The following HBD variants were observed in gnomAD, a reference collection of about 807,000 sequenced individuals.
HBD encodes delta globin.
HBD carries 11 observed loss-of-function variants against 9.2 expected under a neutral mutation model. The ratio of observed to expected loss-of-function variants is 1.20; its 90% confidence interval spans 0.76 to 1.99. HBD has a LOEUF of 1.99. HBD is among the 30% of genes most tolerant of loss of function. The pLI is 0.00. For missense variants in HBD, 189 were observed against 174.3 expected (o/e 1.08, Z -0.47); for synonymous variants, 83 against 69.4 (o/e 1.20, Z -0.98).
At chr11:5,233,900 C>G (rs953316255) in intron 2 of HBD, 91 bp downstream of exon 2, 1 of 1,076,034 alleles carries the variant, frequency 9.3e-7, no homozygotes, top group African/African-American at 1.6e-5. Flanking sequence ...AGTAAAATGA[C>G]AAAAATGTGG....
At position 5,234,036 on chromosome 11, in the gene HBD, A is replaced by G. The variant is rs1847704504; in HGVS notation, c.270T>C (p.Ser90=). Residue 90 remains serine (S), a synonymous_variant, in exon 2 of 3, where the codon AGT becomes AGC. Transcript: ENST00000650601. ...DNLKGTFSQL[S]ELHCDKLHVD... The stretch of plus-strand genomic sequence containing the variant: ...CGTGCAGCTTGTCACAGTGCAGCTC[A>G]CTCAGCTGAGAAAAAGTGCCCTTGA... 8.7e-6 allele frequency: 14 copies of G among 1,614,002 alleles called. No individual in the cohort carries two copies. Among genetic ancestry groups the G allele is most frequent in the African/African-American group, 1.3e-5 (1 of 74,984 alleles).
chr11:5,234,441 G>T lies in HBD; in HGVS notation c.-8C>A. 1 of 1,601,452 alleles carries T rather than the reference G, an allele frequency of 6.2e-7. No homozygotes were observed. The highest frequency in any genetic ancestry group is 8.6e-7 in the Non-Finnish European group (1 of 1,168,416). On this transcript the variant is annotated 5_prime_UTR_variant, in exon 1 of 3. Transcript: ENST00000650601. ...AGGAGTCAGATGCACCATGGTGTCT[G>T]TTTGAGGTTGCTAGTGAACACTGTT... is the stretch of plus-strand genomic sequence containing the variant.
At chr11:5,233,350 C>T (rs1469323259) in intron 2 of HBD, among the ~76,000 whole-genome samples, 1 of 152,056 alleles carries the variant, frequency 6.6e-6, no homozygotes, top group Non-Finnish European at 1.5e-5. Flanking sequence ...CTGTATAATA[C>T]TATATACAAA....
At position 5,234,445 on chromosome 11, in the gene HBD, G is replaced by C. The variant is rs1239589990; in HGVS notation, c.-12C>G. The C allele has an allele frequency of 6.3e-7, 1 of 1,591,940 alleles. No homozygotes were observed. The highest frequency in any genetic ancestry group is 8.6e-7 in the Non-Finnish European group (1 of 1,159,800). Reference sequence around the variant, plus strand: ...GTCAGATGCACCATGGTGTCTGTTTGAGGTTGCTAGTGAACACTGTTATGT... The same window carrying C: ...GTCAGATGCACCATGGTGTCTGTTTCAGGTTGCTAGTGAACACTGTTATGT... On this transcript the variant is annotated 5_prime_UTR_variant, in exon 1 of 3. Coordinates refer to ENST00000650601, the MANE Select transcript of HBD (RefSeq NM_000519.4).
At chr11:5,233,957 A>G in intron 2 of HBD, 34 bp downstream of exon 2, 1 of 1,589,736 alleles carries the variant, frequency 6.3e-7, no homozygotes, top group Admixed American at 1.7e-5. Flanking sequence ...ATTAGAAAGT[A>G]AAAAGAGAAA....
In HBD at chr11:5,233,173, C is replaced by G; in HGVS notation, c.316-81G>C. On this transcript the variant is annotated intron_variant, in intron 2 of 2. Coordinates refer to ENST00000650601, the MANE Select transcript of HBD (RefSeq NM_000519.4). Reference sequence around the variant, plus strand: ...GGCTTCTGAGAAACTGAGCCAACACCCATTTTTTTCTGCCCAAATCTTAGA... The same window carrying G: ...GGCTTCTGAGAAACTGAGCCAACACGCATTTTTTTCTGCCCAAATCTTAGA... 4.7e-6 allele frequency: 7 copies of G among 1,490,876 alleles called. No homozygotes were observed. The South Asian group carries it at 6.9e-5, about 15-fold the overall frequency. 92.4% of individuals were successfully genotyped at this position (1,490,876 alleles called of 1,614,324 possible).
chr11:5,233,764 A>AG (rs1310948629), intron 2 of HBD, among the ~76,000 whole-genome samples: 1 of 152,034 alleles, frequency 6.6e-6, no homozygotes, highest in African/African-American at 2.4e-5. Flanking sequence ...AAATGAAGGG[A>AG]GGGGGTTGGG....
In HBD at chr11:5,234,425, A is replaced by G. The variant is rs1847715571; in HGVS notation, c.9T>C (p.His3=). The G allele has an allele frequency of 1.2e-6, 2 of 1,612,358 alleles. No homozygotes were observed. The highest frequency in any genetic ancestry group is 1.3e-5 in the African/African-American group (1 of 74,992). Residue 3 remains histidine (H), a synonymous_variant, in exon 1 of 3, where the codon CAT becomes CAC. Transcript: ENST00000650601. ...CAGCAGTCTTCTCCTCAGGAGTCAG[A>G]TGCACCATGGTGTCTGTTTGAGGTT... MV[H]LTPEEKTAVN...
Position 5,234,094 on chromosome 11 carries a change from G to C in HBD, c.212C>G (p.Ala71Gly), listed in dbSNP as rs63750423. ...VKAHGKKVLG[A>G]FSDGLAHLDN... ...CAGGTGAGCCAGGCCATCACTAAAG[G>C]CACCTAGCACCTTCTTGCCATGAGC... The change falls in exon 2 of 3, where the codon GCC becomes GGC. Residue 71 changes from alanine (A) to glycine (G), a missense_variant. Transcript: ENST00000650601. The C allele has an allele frequency of 4.3e-6, 7 of 1,614,026 alleles. No homozygotes were observed. The highest frequency in any genetic ancestry group is 5.1e-6 in the Non-Finnish European group (6 of 1,179,996).
Position 5,234,172 on chromosome 11 carries a change from G to A in HBD, c.134C>T (p.Ser45Phe), listed in dbSNP as rs747164859. The change falls in exon 2 of 3, where the codon TCC becomes TTC. Residue 45 changes from serine to phenylalanine, a missense_variant. Coordinates refer to ENST00000650601, the MANE Select transcript of HBD (RefSeq NM_000519.4). Reference sequence around the variant, plus strand: ...ATCAGGAGAGGACAGATCCCCAAAGGACTCAAAGAACCTCTGGGTCCAAGG... The same window carrying A: ...ATCAGGAGAGGACAGATCCCCAAAGAACTCAAAGAACCTCTGGGTCCAAGG... ...VYPWTQRFFE[S>F]FGDLSSPDAV... is the part of the protein sequence containing the mutation. 2 of 1,613,966 alleles carry A rather than the reference G, an allele frequency of 1.2e-6. No individual in the cohort carries two copies. Among genetic ancestry groups the A allele is most frequent in the African/African-American group, 1.3e-5 (1 of 74,912 alleles).
At chr11:5,234,303 T>G (rs746437527) in intron 1 of HBD, 39 bp downstream of exon 1, 1 of 1,602,190 alleles carries the variant, frequency 6.2e-7, no homozygotes, top group African/African-American at 1.3e-5. Flanking sequence ...CCAGTTTCCA[T>G]TTGCCTCCTT....
Position 5,232,969 on chromosome 11 carries a change from G to A in HBD, c.439C>T (p.His147Tyr), listed in dbSNP as rs769765023. The A allele has an allele frequency of 1.9e-6, 3 of 1,614,004 alleles. No homozygotes were observed. The South Asian group carries it at 3.3e-5, about 18-fold the overall frequency. ...TCAGGAAACAGTCCAGGATCTCAAT[G>A]GTACTTGTGAGCCAGGGCATTAGCC... ...GVANALAHKYH is the reference protein window; with the variant it reads ...GVANALAHKYY Residue 147 changes from histidine (H) to tyrosine (Y), a missense_variant, in exon 3 of 3, where the codon CAT (histidine) becomes TAT (tyrosine). His to Tyr is a moderately conservative substitution (Grantham distance 83, BLOSUM62 2). Transcript: ENST00000650601.
At chr11:5,233,855 TA>T in intron 2 of HBD, 135 bp downstream of exon 2, 1 of 722,190 alleles carries the variant, frequency 1.4e-6, no homozygotes, top group Non-Finnish European at 2.3e-6. Flanking sequence ...AATAAAAAAT[TA>T]ACAAAATTTT....
At chr11:5,233,388 A>G (rs112914556) in intron 2 of HBD, among the ~76,000 whole-genome samples, 11 of 152,316 alleles carry the variant, frequency 7.2e-5, no homozygotes, top group Middle Eastern at 6.8e-3. Flanking sequence ...TTAATTTTGT[A>G]TGTGTATATA....
At position 5,233,476 on chromosome 11, in the gene HBD, C is replaced by T. The variant is rs1326595723; in HGVS notation, c.316-384G>A. 2.0e-5 allele frequency among the ~76,000 whole-genome samples: 3 copies of T among 152,154 alleles called. No individual in the cohort carries two copies. In the East Asian group the frequency reaches 5.8e-4, roughly 29 times the overall value. On this transcript the variant is annotated intron_variant, in intron 2 of 2. Transcript: ENST00000650601. The stretch of plus-strand genomic sequence containing the variant: ...TAATCAGTGTGATGATGGGCTGTCT[C>T]CTAGCAACGACTTCTGCCCCACCTC...
rs374131564 is a variant in HBD, at chr11:5,233,987, T to C, written c.315+4A>G. ...GAGAAAAGTGAAGCATCTCCTGGAC[T>C]CACCCTGAAGTTCTCAGGATCCACG... On this transcript the variant is annotated splice_donor_region_variant and intron_variant, in intron 2 of 2. Coordinates refer to ENST00000650601, the MANE Select transcript of HBD (RefSeq NM_000519.4). 103 of 1,612,894 alleles carry C rather than the reference T, an allele frequency of 6.4e-5. No individual in the cohort carries two copies. The highest frequency in any genetic ancestry group is 8.7e-5 in the Non-Finnish European group (102 of 1,179,014).
chr11:5,234,197 G>A lies in HBD; in HGVS notation c.109C>T (p.Pro37Ser), dbSNP rs1409273019. Residue 37 changes from proline to serine, a missense_variant, in exon 2 of 3, where the codon CCT becomes TCT. Physicochemically the swap from Pro to Ser is moderately conservative, Grantham distance 74. Transcript: ENST00000650601. Reference sequence around the variant, plus strand: ...GACTCAAAGAACCTCTGGGTCCAAGGGTAGACCACCAGTAATCTGAGGGTA... The same window carrying A: ...GACTCAAAGAACCTCTGGGTCCAAGAGTAGACCACCAGTAATCTGAGGGTA... Reference protein sequence around the residue: ...EALGRLLVVYPWTQRFFESFG... With the variant: ...EALGRLLVVYSWTQRFFESFG... 7 of 1,613,878 alleles carry A rather than the reference G, an allele frequency of 4.3e-6. No individual in the cohort carries two copies. Among genetic ancestry groups the A allele is most frequent in the African/African-American group, 1.3e-5 (1 of 74,874 alleles).
In HBD at chr11:5,234,184, C is replaced by T. The variant is rs1240307704; in HGVS notation, c.122G>A (p.Arg41Lys). The T allele has an allele frequency of 1.2e-6, 2 of 1,614,002 alleles. No individual in the cohort carries two copies. The highest frequency in any genetic ancestry group is 1.3e-5 in the African/African-American group (1 of 74,918). ...CAGATCCCCAAAGGACTCAAAGAACCTCTGGGTCCAAGGGTAGACCACCAG... is the reference window on the plus strand; with the variant it reads ...CAGATCCCCAAAGGACTCAAAGAACTTCTGGGTCCAAGGGTAGACCACCAG... ...RLLVVYPWTQ[R>K]FFESFGDLSS... Residue 41 changes from arginine to lysine, a missense_variant, in exon 2 of 3, where the codon AGG (arginine) becomes AAG (lysine). By Grantham distance (26) the Arg-to-Lys change is conservative. Transcript: ENST00000650601.
chr11:5,234,310 C>T (rs1029882418), intron 1 of HBD, 32 bp downstream of exon 1: 17 of 1,605,292 alleles, frequency 1.1e-5, no homozygotes, highest in Non-Finnish European at 1.2e-5. Context: ...CCATTTGCCT[C>T]CTTGAGCCTC....
Sources: gnomAD v4.1 joint callset for allele counts (sites outside exome capture counted in the v4.1 genomes callset) on GRCh38, gnomAD v4.1.1 for gene constraint, MANE v1.5 for transcripts, NCBI Gene and HGNC (gene_info 2026-07-23, HGNC 2026-07-21) for gene names.